PEX14: variants seen among roughly 807,000 people sequenced by gnomAD.
The protein encoded by PEX14 is peroxisomal biogenesis factor 14, also known as peroxisomal membrane protein PEX14.
Under a neutral mutation model 49.5 loss-of-function variants are expected in PEX14, and 15 were observed. The ratio of observed to expected loss-of-function variants is 0.30; its 90% CI spans 0.20 to 0.47. PEX14 has a LOEUF of 0.47. Ranked by LOEUF, PEX14 falls within the 20% of genes least tolerant of loss-of-function variation. The pLI is 1.00. For missense variants in PEX14, 398 were observed against 494.8 expected (o/e 0.80, Z 1.86); for synonymous variants, 210 against 212.7 (o/e 0.99, Z 0.11).
At chr1:10,488,078 G>A (rs1386903877) in intron 1 of PEX14, among the ~76,000 whole-genome samples, 1 of 152,062 alleles carries the variant, frequency 6.6e-6, no homozygotes, top group Non-Finnish European at 1.5e-5. Flanking sequence ...ACTGTGCCTG[G>A]CCTATTACTT....
Position 10,618,424 on chromosome 1 carries a change from C to CA in PEX14, c.384+8dup. ...CTTTCACCAGCTCTACAAGGTGAGTCACCCCCAGCGGCTGCAGGTGCTGTG... is the reference window on the plus strand; with the variant it reads ...CTTTCACCAGCTCTACAAGGTGAGTCAACCCCCAGCGGCTGCAGGTGCTGTG... On this transcript the variant is annotated splice_region_variant and intron_variant, in intron 5 of 8. Transcript: ENST00000356607. 1.9e-6 allele frequency: 3 copies of CA among 1,606,574 alleles called. No individual in the cohort carries two copies. The highest frequency in any genetic ancestry group is 2.6e-6 in the Non-Finnish European group (3 of 1,173,946).
chr1:10,598,813 C>G (rs1262136806), intron 3 of PEX14, among the ~76,000 whole-genome samples: 2 of 152,052 alleles, frequency 1.3e-5, no homozygotes, highest in Non-Finnish European at 2.9e-5. Context: ...AATTAGTCGT[C>G]TCACCCAATA....
chr1:10,563,103 A>T (rs1346104891), intron 3 of PEX14, among the ~76,000 whole-genome samples: 8 of 136,744 alleles, frequency 5.9e-5, no homozygotes, highest in Middle Eastern at 3.4e-3. Flanking sequence ...TTTTTGGTAG[A>T]GGCGGGGTTT....
intron 2 of PEX14, among the ~76,000 whole-genome samples, chr1:10,508,709 C>G (rs1486474831): frequency 6.6e-6 from 1 of 152,170 alleles, no homozygotes; most frequent in Non-Finnish European, 1.5e-5. Flanking sequence ...GCAGTCCACA[C>G]GGGGAAGCAA....
intron 3 of PEX14, among the ~76,000 whole-genome samples, chr1:10,579,982 G>A (rs1475420608): frequency 6.6e-6 from 1 of 151,882 alleles, no homozygotes; most frequent in African/African-American, 2.4e-5. Flanking sequence ...TGGTTCACAT[G>A]CCTCTGACAA....
At position 10,597,599 on chromosome 1, in the gene PEX14, G is replaced by A. The variant is rs550083265; in HGVS notation, c.170-1639G>A. On this transcript the variant is annotated intron_variant, in intron 3 of 8. Transcript: ENST00000356607. This position sits in a 1 kb window ranked among gnomAD's most constrained non-coding sequence, Gnocchi z 5.7. ...AGCTTTTGTCTTTGGAAGGTGGTAC[G>A]TGATGCGCTGTGAACCCTGGAAGCA... 2.9e-4 allele frequency among the ~76,000 whole-genome samples: 44 copies of A among 152,296 alleles called. 1 individual carries two copies. Among genetic ancestry groups the A allele is most frequent in the Non-Finnish European group, 4.7e-4 (32 of 68,024 alleles).
At chr1:10,478,902 C>T (rs931923535) in intron 1 of PEX14, among the ~76,000 whole-genome samples, 17 of 152,082 alleles carry the variant, frequency 1.1e-4, no homozygotes, top group South Asian at 1.0e-3. Context: ...CCTGCCACCA[C>T]GCCCGGCTAT....
intron 3 of PEX14, among the ~76,000 whole-genome samples, chr1:10,561,611 C>A (rs1413842237): frequency 6.6e-6 from 1 of 152,194 alleles, no homozygotes; most frequent in Non-Finnish European, 1.5e-5. Flanking sequence ...ACTACCAGAA[C>A]TCTCCATATT....
intron 3 of PEX14, among the ~76,000 whole-genome samples, chr1:10,590,124 C>T (rs1245173527): frequency 2.0e-5 from 3 of 152,208 alleles, no homozygotes; most frequent in Admixed American, 6.5e-5. Context: ...CTGTGAGCCT[C>T]AGGCTCTTCC....
chr1:10,628,573 C>A lies in PEX14; in HGVS notation c.678-958C>A, dbSNP rs1390774918. Among the ~76,000 whole-genome samples the A allele has an allele frequency of 6.6e-6, 1 of 152,266 alleles. No homozygotes were observed. Among genetic ancestry groups the A allele is most frequent in the Non-Finnish European group, 1.5e-5 (1 of 68,050 alleles). ...CCAGAGCATTGTCATTAGGAGACAG[C>A]CTCCATTTTCCCTAACCGAGACCAG... On this transcript the variant is annotated intron_variant, in intron 8 of 8. Transcript: ENST00000356607. The surrounding 1 kb of genome is among the most constrained non-coding windows in gnomAD (Gnocchi z 4.5).
chr1:10,603,739 C>G (rs962550526), intron 4 of PEX14, among the ~76,000 whole-genome samples: 1 of 152,076 alleles, frequency 6.6e-6, no homozygotes, highest in East Asian at 1.9e-4. Context: ...CCAGAGAGAC[C>G]AAGAAGCTTT....
intron 2 of PEX14, among the ~76,000 whole-genome samples, chr1:10,532,478 G>A (rs1446088719): frequency 4.6e-5 from 7 of 152,032 alleles, no homozygotes; most frequent in Non-Finnish European, 1.5e-5. Flanking sequence ...TTGGTAATTC[G>A]AGGTGCACTC....
intron 4 of PEX14, among the ~76,000 whole-genome samples, chr1:10,606,255 C>T (rs145597536): frequency 6.5e-4 from 99 of 152,352 alleles, no homozygotes; most frequent in African/African-American, 2.2e-3. Context: ...TCATCCGTCT[C>T]GTGGTGCAGT....
intron 3 of PEX14, among the ~76,000 whole-genome samples, chr1:10,537,472 C>A (rs1280594628): frequency 6.6e-6 from 1 of 151,832 alleles, no homozygotes; most frequent in Admixed American, 6.6e-5. Context: ...AGTAATTAAT[C>A]ATAAAAGCTT....
At position 10,629,618 on chromosome 1, in the gene PEX14, C is replaced by T. The variant is rs755259929; in HGVS notation, c.765C>T (p.Ala255=). The change falls in exon 9 of 9, where the codon GCC becomes GCT. Residue 255 remains alanine (A), a synonymous_variant. Coordinates refer to ENST00000356607, the MANE Select transcript of PEX14 (RefSeq NM_004565.3). This position sits in a 1 kb window ranked among gnomAD's most constrained non-coding sequence, Gnocchi z 8.5. The stretch of plus-strand genomic sequence containing the variant: ...CACCGTCACCCTCCAGCCCTGCGGC[C>T]GTGAACCACCACAGCAGCAGCGACA... ...VKSPSPSSPA[A]VNHHSSSDIS... The T allele has an allele frequency of 1.5e-5, 24 of 1,613,508 alleles. No homozygotes were observed. Among genetic ancestry groups the T allele is most frequent in the East Asian group, 2.2e-5 (1 of 44,848 alleles).
intron 3 of PEX14, among the ~76,000 whole-genome samples, chr1:10,588,180 A>G (rs1365235530): frequency 6.6e-6 from 1 of 151,852 alleles, no homozygotes; most frequent in African/African-American, 2.4e-5. Flanking sequence ...AGATTGCACC[A>G]CAGCGCTCCA....
intron 3 of PEX14, among the ~76,000 whole-genome samples, chr1:10,596,659 G>A (rs1194983496): frequency 6.6e-6 from 1 of 152,154 alleles, no homozygotes; most frequent in Non-Finnish European, 1.5e-5. Context: ...GTGGGGCATC[G>A]TTTCTACCCT....
intron 2 of PEX14, 44 bp from the exon 3 acceptor site, chr1:10,536,169 C>G: frequency 8.8e-7 from 1 of 1,130,262 alleles, no homozygotes; most frequent in Non-Finnish European, 1.4e-6. Flanking sequence ...GAAATTCAGA[C>G]TATTGAAGTG....
intron 1 of PEX14, among the ~76,000 whole-genome samples, chr1:10,486,529 A>G (rs1641371152): frequency 6.6e-6 from 1 of 151,882 alleles, no homozygotes; most frequent in Non-Finnish European, 1.5e-5. Flanking sequence ...AAATTTTTAA[A>G]AAATGAGTCT....
Sources: gnomAD v4.1 joint callset for allele counts (sites outside exome capture counted in the v4.1 genomes callset) on GRCh38, gnomAD v4.1.1 for gene constraint, Gnocchi (gnomAD v3.1) non-coding constraint, MANE v1.5 for transcripts, NCBI Gene and HGNC (gene_info 2026-07-23, HGNC 2026-07-21) for gene names.